EPG5: variants seen among roughly 807,000 people sequenced by gnomAD.
EPG5 encodes the protein ectopic P granules protein 5 homolog.
EPG5 carries 159 observed loss-of-function variants against 302.7 expected under a neutral mutation model. The ratio of observed to expected loss-of-function variants is 0.53; its 90% CI spans 0.46 to 0.60. The LOEUF (loss-of-function observed/expected upper bound fraction) is 0.60, where lower values mean the gene tolerates loss of function less well. EPG5 is among the 20% of genes least tolerant of loss of function. The pLI is 0.00. For synonymous variants in EPG5, 1,158 were observed against 1,136.8 expected (o/e 1.02, Z -0.37); for missense variants, 2,896 against 3,092.4 (o/e 0.94, Z 1.51).
chr18:45,928,806 T>G, intron 13 of EPG5, 63 bp downstream of exon 13: 1 of 1,502,608 alleles, frequency 6.7e-7, no homozygotes, highest in Non-Finnish European at 9.1e-7. Context: ...CTTCCTATTT[T>G]TGCCAATGTT....
intron 24 of EPG5, among the ~76,000 whole-genome samples, chr18:45,907,611 T>C (rs8097963): frequency 0.18 from 27,005 of 151,962 alleles, 2,674 homozygotes; most frequent in Admixed American, 0.3. Flanking sequence ...ATTCTTACAC[T>C]GCATGTAAGA....
downstream of EPG5, among the ~76,000 whole-genome samples, chr18:45,845,600 C>G (rs2048357061): frequency 2.0e-5 from 3 of 152,322 alleles, no homozygotes; most frequent in Admixed American, 2.0e-4. Flanking sequence ...GAGACACGAG[C>G]GGCAGGCTGA....
At chr18:45,826,526 C>T in the EPG5 span, among the ~76,000 whole-genome samples, 3 of 152,154 alleles carry the variant, frequency 2.0e-5, no homozygotes, top group Non-Finnish European at 4.4e-5. Context: ...GTGATTCTGA[C>T]ACTCGATGCA....
intron 10 of EPG5, among the ~76,000 whole-genome samples, chr18:45,938,249 T>C (rs2050581055): frequency 6.6e-6 from 1 of 152,020 alleles, no homozygotes; most frequent in African/African-American, 2.4e-5. Context: ...TCACTTGAGG[T>C]CAGGAGTTCA....
intron 43 of EPG5, among the ~76,000 whole-genome samples, chr18:45,853,278 G>C (rs751057113): frequency 1.3e-5 from 2 of 152,172 alleles, no homozygotes; most frequent in Non-Finnish European, 2.9e-5. Context: ...GGTTCCTCCC[G>C]AATCCATCTG....
chr18:45,953,375 C>T, intron 2 of EPG5: 17 of 985,002 alleles, frequency 1.7e-5, no homozygotes, highest in Non-Finnish European at 2.0e-5. Flanking sequence ...CACACTCCAC[C>T]AGCTGTGTTC....
the EPG5 span, among the ~76,000 whole-genome samples, chr18:45,802,545 C>A: frequency 6.6e-6 from 1 of 151,920 alleles, no homozygotes; most frequent in East Asian, 1.9e-4. Context: ...AAAAAAAAGT[C>A]TCTGGTCCTT....
intron 10 of EPG5, among the ~76,000 whole-genome samples, chr18:45,938,543 G>A (rs1246176304): frequency 1.3e-5 from 2 of 151,836 alleles, no homozygotes; most frequent in Non-Finnish European, 2.9e-5. Context: ...TCTAAAAGTG[G>A]TTAACACTTA....
At chr18:45,810,395 G>C in the EPG5 span, among the ~76,000 whole-genome samples, 4 of 152,096 alleles carry the variant, frequency 2.6e-5, no homozygotes, top group Non-Finnish European at 5.9e-5. Flanking sequence ...ACCACAACCA[G>C]GAAAGGACAA....
chr18:45,876,456 C>T (rs532381764), intron 34 of EPG5, 114 bp from the exon 35 acceptor site: 1 of 734,436 alleles, frequency 1.4e-6, no homozygotes, highest in South Asian at 1.6e-5. Flanking sequence ...GTAGGCCTGA[C>T]ACACATTTAG....
the EPG5 span, among the ~76,000 whole-genome samples, chr18:45,829,374 T>C: frequency 6.6e-6 from 1 of 152,212 alleles, no homozygotes. Flanking sequence ...CTCCCTCCTC[T>C]GCTCTCTGAT....
At chr18:45,920,704 G>A (rs1568156020) in intron 16 of EPG5, among the ~76,000 whole-genome samples, 3 of 152,096 alleles carry the variant, frequency 2.0e-5, no homozygotes, top group Non-Finnish European at 4.4e-5. Flanking sequence ...TGAGAGGATG[G>A]CACTAAGACA....
At chr18:45,912,816 A>C (rs553571242) in intron 21 of EPG5, among the ~76,000 whole-genome samples, 2 of 152,188 alleles carry the variant, frequency 1.3e-5, no homozygotes, top group South Asian at 4.1e-4. Context: ...AGCCGGGGAC[A>C]GTGGCTCACA....
chr18:45,880,978 A>G (rs542896349), intron 31 of EPG5, among the ~76,000 whole-genome samples: 39 of 152,260 alleles, frequency 2.6e-4, no homozygotes, highest in African/African-American at 9.4e-4. Flanking sequence ...AAATTAAGCT[A>G]TCACTGGAAA....
At chr18:45,806,838 C>T in the EPG5 span, among the ~76,000 whole-genome samples, 1 of 152,100 alleles carries the variant, frequency 6.6e-6, no homozygotes, top group African/African-American at 2.4e-5. Context: ...AACTTTGAAA[C>T]AATTTGAACT....
chr18:45,846,521 C>CAAAAAA (rs67294951), downstream of EPG5, among the ~76,000 whole-genome samples: 7 of 46,368 alleles, frequency 1.5e-4, no homozygotes, highest in African/African-American at 5.4e-4. Context: ...AACTCCCTCT[C>CAAAAAA]AAAAAAAAAA....
chr18:45,896,570 G>A (rs1277487177), intron 27 of EPG5, among the ~76,000 whole-genome samples: 1 of 151,300 alleles, frequency 6.6e-6, no homozygotes, highest in Non-Finnish European at 1.5e-5. Flanking sequence ...CTTGAGACAG[G>A]GTCTCACTCT....
intron 36 of EPG5, chr18:45,868,157 A>C: frequency 2.2e-6 from 1 of 456,680 alleles, no homozygotes; most frequent in Non-Finnish European, 4.4e-6. Flanking sequence ...TCAGAACTAA[A>C]TGGAAGGTAT....
chr18:45,833,393 T>C, the EPG5 span, among the ~76,000 whole-genome samples: 1 of 152,186 alleles, frequency 6.6e-6, no homozygotes, highest in African/African-American at 2.4e-5. Context: ...CTCAGCTCAC[T>C]GCAACCTCTG....
Sources: allele counts gnomAD v4.1 joint callset (sites outside exome capture counted in the v4.1 genomes callset), GRCh38; gene constraint gnomAD v4.1.1; transcripts MANE v1.5; gene names NCBI Gene and HGNC (gene_info 2026-07-23, HGNC 2026-07-21).